Variants in HAS2 observed in about 807,000 individuals in gnomAD.
The protein encoded by HAS2 is hyaluronan synthase 2, also known as HA synthase 2.
A neutral mutation model predicts 51.6 loss-of-function variants in HAS2; 16 were observed. The ratio of observed to expected loss-of-function variants is 0.31; its 90% CI spans 0.21 to 0.47. The LOEUF (loss-of-function observed/expected upper bound fraction) is 0.47, where lower values mean the gene tolerates loss of function less well. Ranked by LOEUF, HAS2 falls within the 20% of genes least tolerant of loss-of-function variation. The pLI, the probability that HAS2 is intolerant of heterozygous loss-of-function variation, is 1.00. For synonymous variants in HAS2, 228 were observed against 235.5 expected, an observed-to-expected ratio of 0.97 and a Z score of 0.29; for missense variants, 361 against 662.6, an observed-to-expected ratio of 0.54 and a Z score of 5.00.
rs901684830 is a variant in HAS2 at position 121,613,059 on chromosome 8, C to G, written c.*1050G>C. The stretch of plus-strand genomic sequence containing the variant: ...TGCATTGTATGTGTCCAAAATTATA[C>G]AGATAATTTCTCCACTTTCCACTTG... On this transcript the variant is annotated 3_prime_UTR_variant, in exon 4 of 4. Transcript: ENST00000303924. 3 of 152,030 alleles carry G rather than the reference C, an allele frequency of 2.0e-5. No individual in the cohort carries two copies. The highest frequency in any genetic ancestry group is 7.2e-5 in the African/African-American group (3 of 41,418). The allele number at this position is 152,030 out of a possible 1,614,324, so 9.4% of individuals were successfully genotyped here.
chr8:121,629,348 A>G lies in HAS2; in HGVS notation c.1-8T>C. 6.3e-7 allele frequency: 1 copy of G among 1,594,140 alleles called. No individual in the cohort carries two copies. Among genetic ancestry groups the G allele is most frequent in the African/African-American group, 1.3e-5 (1 of 74,432 alleles). ...AAACCTCTCACAATGCATCTGTAAT[A>G]TAATCAGATGATACTCTTGGTTAAC... On this transcript the variant is annotated splice_polypyrimidine_tract_variant and splice_region_variant and intron_variant, in intron 1 of 3. Coordinates refer to ENST00000303924, the MANE Select transcript of HAS2 (RefSeq NM_005328.3).
chr8:121,622,283 C>G (rs2130438353), intron 2 of HAS2, among the ~76,000 whole-genome samples: 1 of 152,172 alleles, frequency 6.6e-6, no homozygotes, highest in Middle Eastern at 3.4e-3. Context: ...AGTACAACCT[C>G]AGAGCAAACA....
chr8:121,621,151 C>T (rs140383108), intron 2 of HAS2, among the ~76,000 whole-genome samples: 60 of 152,230 alleles, frequency 3.9e-4, no homozygotes, highest in Non-Finnish European at 6.6e-4. Flanking sequence ...ACTGGTTACA[C>T]GGGGAAGGTT....
chr8:121,619,477 A>G (rs1812747269), intron 2 of HAS2, among the ~76,000 whole-genome samples: 2 of 152,108 alleles, frequency 1.3e-5, no homozygotes, highest in South Asian at 4.1e-4. Context: ...TTTCTAAATG[A>G]AACCCTATTG....
At chr8:121,636,276 C>T (rs761552718) in intron 1 of HAS2, among the ~76,000 whole-genome samples, 5 of 152,174 alleles carry the variant, frequency 3.3e-5, no homozygotes, top group African/African-American at 9.7e-5. Context: ...ACTGTCCCTA[C>T]GTAGAAATCT....
At chr8:121,634,189 C>A (rs916771662) in intron 1 of HAS2, among the ~76,000 whole-genome samples, 5 of 151,948 alleles carry the variant, frequency 3.3e-5, no homozygotes, top group Admixed American at 6.6e-5. Context: ...GTGATCCACC[C>A]GCCTCGGCCT....
In HAS2 at chr8:121,614,322, T is replaced by G. The variant is rs1370987906; in HGVS notation, c.1446A>C (p.Ser482=). 3 of 1,614,040 alleles carry G rather than the reference T, an allele frequency of 1.9e-6. No homozygotes were observed. The highest frequency in any genetic ancestry group is 3.3e-5 in the Admixed American group (2 of 60,010). ...VVNFIGLIPV[S]VWFTILLGGV... The stretch of plus-strand genomic sequence containing the variant: ...CACCCAGGAGGATTGTAAACCAAAC[T>G]GATACTGGAATGAGTCCTATGAAAT... Residue 482 remains serine, a synonymous_variant, in exon 4 of 4, where the codon TCA becomes TCC. Transcript: ENST00000303924. This position sits in a 1 kb window ranked among gnomAD's most constrained non-coding sequence, Gnocchi z 7.2.
At chr8:121,625,216 CAG>C (rs1812830318) in intron 2 of HAS2, among the ~76,000 whole-genome samples, 1 of 144,682 alleles carries the variant, frequency 6.9e-6, no homozygotes, top group African/African-American at 2.6e-5. Flanking sequence ...AGGGAAAAAA[CAG>C]AAAAATATAC....
At chr8:121,619,609 G>A (rs1196224789) in intron 2 of HAS2, among the ~76,000 whole-genome samples, 5 of 151,986 alleles carry the variant, frequency 3.3e-5, no homozygotes, top group Non-Finnish European at 7.4e-5. Context: ...CTGACACCTG[G>A]GTCTGTATCC....
At chr8:121,620,573 A>G (rs769468588) in intron 2 of HAS2, among the ~76,000 whole-genome samples, 1 of 152,268 alleles carries the variant, frequency 6.6e-6, no homozygotes, top group Non-Finnish European at 1.5e-5. Flanking sequence ...ACCAGGAGAT[A>G]TGGAAATGAA....
At chr8:121,636,369 C>T (rs1434483495) in intron 1 of HAS2, among the ~76,000 whole-genome samples, 1 of 152,034 alleles carries the variant, frequency 6.6e-6, no homozygotes, top group Non-Finnish European at 1.5e-5. Flanking sequence ...AATCATGAAC[C>T]CTCCCGACTC....
chr8:121,631,127 G>T (rs1186827068), intron 1 of HAS2, among the ~76,000 whole-genome samples: 1 of 152,106 alleles, frequency 6.6e-6, no homozygotes, highest in African/African-American at 2.4e-5. Context: ...ATGTTTTAGG[G>T]AATTGGAAAG....
At chr8:121,637,713 G>A (rs1008638076) in intron 1 of HAS2, among the ~76,000 whole-genome samples, 2 of 152,154 alleles carry the variant, frequency 1.3e-5, no homozygotes, top group Non-Finnish European at 2.9e-5. Flanking sequence ...GTATGCAGTA[G>A]GATAATACTC....
chr8:121,626,983 A>G (rs928121697), intron 2 of HAS2, among the ~76,000 whole-genome samples: 2 of 152,142 alleles, frequency 1.3e-5, no homozygotes, highest in Admixed American at 6.5e-5. Context: ...CATATTTTGT[A>G]TTATTTTTTT....
Sources: allele counts gnomAD v4.1 joint callset (sites outside exome capture counted in the v4.1 genomes callset), GRCh38; gene constraint gnomAD v4.1.1; non-coding constraint Gnocchi (gnomAD v3.1); transcripts MANE v1.5; gene names NCBI Gene and HGNC (gene_info 2026-07-23, HGNC 2026-07-21).